The following PLPPR5 variants were observed in gnomAD, a reference collection of about 807,000 sequenced individuals.
The protein encoded by PLPPR5 is phospholipid phosphatase related 5, also known as phospholipid phosphatase-related protein type 5.
PLPPR5 carries 16 observed loss-of-function variants against 33.9 expected under a neutral mutation model. The observed-to-expected ratio is 0.47, with a 90% CI of 0.32 to 0.72. The LOEUF is 0.72. PLPPR5 is among the 30% of genes least tolerant of loss of function. PLPPR5 has a pLI of 0.03. For missense variants in PLPPR5, 301 were observed against 406.7 expected, an observed-to-expected ratio of 0.74 and a Z score of 2.23; for synonymous variants, 163 against 150.3, an observed-to-expected ratio of 1.08 and a Z score of -0.62.
chr1:98,984,287 TC>T (rs1331590795), intron 1 of PLPPR5, among the ~76,000 whole-genome samples: 1 of 151,964 alleles, frequency 6.6e-6, no homozygotes, highest in Non-Finnish European at 1.5e-5. Flanking sequence ...CTGCAGTCTT[TC>T]CCTCCTAGGA....
At chr1:98,914,331 G>C (rs1557667106) in intron 5 of PLPPR5, among the ~76,000 whole-genome samples, 1 of 152,154 alleles carries the variant, frequency 6.6e-6, no homozygotes, top group African/African-American at 2.4e-5. Flanking sequence ...TGTTGCGTAA[G>C]CTGGACTGCA....
chr1:98,932,933 C>A, intron 3 of PLPPR5, among the ~76,000 whole-genome samples: 1 of 152,126 alleles, frequency 6.6e-6, no homozygotes, highest in East Asian at 1.9e-4. Flanking sequence ...TATCTGAGCC[C>A]TCAAGTAGAG....
Position 98,897,354 on chromosome 1 carries a change from T to G in PLPPR5, c.934-4250A>C, listed in dbSNP as rs1194321028. On this transcript the variant is annotated intron_variant, in intron 5 of 5. Transcript: ENST00000263177. ...TAAAGGACCTTTCCTGTGAATTTTC[T>G]TCTTGACCATTCTCAACAGGTTGAT... Among the ~76,000 whole-genome samples, 11 of 152,332 alleles carry G rather than the reference T, an allele frequency of 7.2e-5. 1 individual carries two copies. Among genetic ancestry groups the G allele is most frequent in the Admixed American group, 2.6e-4 (4 of 15,294 alleles).
intron 5 of PLPPR5, among the ~76,000 whole-genome samples, chr1:98,903,040 AAAT>A (rs1342013446): frequency 6.6e-6 from 1 of 152,138 alleles, no homozygotes; most frequent in Non-Finnish European, 1.5e-5. Flanking sequence ...ACATATGGCA[AAAT>A]AATAACAGAA....
chr1:98,925,811 C>A (rs1251700175), intron 3 of PLPPR5, among the ~76,000 whole-genome samples: 1 of 152,160 alleles, frequency 6.6e-6, no homozygotes, highest in Non-Finnish European at 1.5e-5. Context: ...GAGTTCCAGG[C>A]AAAAGGGAAA....
chr1:98,968,411 T>A (rs570167672), intron 1 of PLPPR5, among the ~76,000 whole-genome samples: 30 of 152,094 alleles, frequency 2.0e-4, no homozygotes, highest in Non-Finnish European at 3.4e-4. Context: ...CTCTTCTTTA[T>A]CAACAACAAA....
chr1:98,984,294 T>C (rs910693925), intron 1 of PLPPR5, among the ~76,000 whole-genome samples: 2 of 151,996 alleles, frequency 1.3e-5, no homozygotes, highest in African/African-American at 4.8e-5. Flanking sequence ...CTTTCCCTCC[T>C]AGGATCTTAT....
At chr1:98,986,530 T>TA in intron 1 of PLPPR5, among the ~76,000 whole-genome samples, 1 of 151,912 alleles carries the variant, frequency 6.6e-6, no homozygotes, top group African/African-American at 2.4e-5. Flanking sequence ...TTGTAAAGTA[T>TA]AAGGATATAT....
At chr1:98,917,614 T>C (rs1023536590) in intron 4 of PLPPR5, among the ~76,000 whole-genome samples, 6 of 152,284 alleles carry the variant, frequency 3.9e-5, no homozygotes, top group Admixed American at 3.3e-4. Flanking sequence ...ACCTCCACTG[T>C]CTTTGGATGC....
chr1:98,908,964 A>C (rs1251780473), intron 5 of PLPPR5, among the ~76,000 whole-genome samples: 1 of 152,158 alleles, frequency 6.6e-6, no homozygotes, highest in East Asian at 1.9e-4. Context: ...ACCTCCTTAG[A>C]GAGCAGCTTA....
chr1:98,906,403 T>C (rs1291240759), intron 5 of PLPPR5, among the ~76,000 whole-genome samples: 1 of 152,072 alleles, frequency 6.6e-6, no homozygotes, highest in Non-Finnish European at 1.5e-5. Context: ...GGATCTGCTC[T>C]AGGCCACAGG....
At chr1:98,897,850 C>G (rs376458888) in intron 5 of PLPPR5, among the ~76,000 whole-genome samples, 25 of 152,064 alleles carry the variant, frequency 1.6e-4, no homozygotes, top group African/African-American at 5.5e-4. Flanking sequence ...TTTTTATTAA[C>G]ATTAAATGGG....
intron 1 of PLPPR5, among the ~76,000 whole-genome samples, chr1:98,997,948 G>T (rs1296065258): frequency 1.3e-5 from 2 of 152,170 alleles, no homozygotes; most frequent in Non-Finnish European, 2.9e-5. Flanking sequence ...AAGACAGAGG[G>T]AGAGACAGGA....
chr1:98,982,205 A>G (rs1053038593), intron 1 of PLPPR5, among the ~76,000 whole-genome samples: 7 of 152,084 alleles, frequency 4.6e-5, no homozygotes, highest in African/African-American at 1.7e-4. Flanking sequence ...TTCTAATTTT[A>G]TCATATATAC....
chr1:98,948,326 T>C (rs1009631348), intron 3 of PLPPR5, among the ~76,000 whole-genome samples: 2 of 152,092 alleles, frequency 1.3e-5, no homozygotes, highest in Admixed American at 1.3e-4. Context: ...AAGATGGCTG[T>C]GTGGGAAGTG....
At chr1:99,004,235 A>G (rs568915402) in intron 1 of PLPPR5, 200 bp downstream of exon 1, 13 of 561,014 alleles carry the variant, frequency 2.3e-5, no homozygotes, top group Non-Finnish European at 4.1e-5. Context: ...TGGGGGGGTG[A>G]CGTGTGGGAA....
At chr1:98,966,674 G>T (rs1331644621) in intron 1 of PLPPR5, among the ~76,000 whole-genome samples, 1 of 152,134 alleles carries the variant, frequency 6.6e-6, no homozygotes, top group Non-Finnish European at 1.5e-5. Context: ...AATTGGATTT[G>T]ATCCTTTGAG....
At chr1:98,916,115 C>A (rs1649339055) in intron 4 of PLPPR5, among the ~76,000 whole-genome samples, 1 of 152,098 alleles carries the variant, frequency 6.6e-6, no homozygotes, top group Admixed American at 6.6e-5. Flanking sequence ...TACTGAATAT[C>A]TTCAAAGGCC....
At chr1:98,914,661 T>C (rs929899156) in intron 5 of PLPPR5, 125 bp downstream of exon 5, 1 of 826,996 alleles carries the variant, frequency 1.2e-6, no homozygotes, top group Non-Finnish European at 1.7e-6. Flanking sequence ...GCTAAATTCT[T>C]GCTAAATATC....
Sources: allele counts gnomAD v4.1 joint callset (sites outside exome capture counted in the v4.1 genomes callset), GRCh38; gene constraint gnomAD v4.1.1; transcripts MANE v1.5; gene names NCBI Gene and HGNC (gene_info 2026-07-23, HGNC 2026-07-21).